DLG2: variants seen among roughly 807,000 people sequenced by gnomAD.
DLG2 encodes the protein discs large MAGUK scaffold protein 2.
A neutral mutation model predicts 132.5 loss-of-function variants in DLG2; 45 were observed. That is an observed-to-expected ratio of 0.34 (90% CI 0.27 to 0.44). DLG2 has a LOEUF of 0.44. Ranked by LOEUF, DLG2 falls within the 20% of genes least tolerant of loss-of-function variation. The pLI is 1.00. For missense variants in DLG2, 1,045 were observed against 1,196.9 expected (o/e 0.87, Z 1.87); for synonymous variants, 424 against 419.6 (o/e 1.01, Z -0.13).
At chr11:84,240,816 T>C (rs2097216637) in intron 8 of DLG2, among the ~76,000 whole-genome samples, 1 of 152,190 alleles carries the variant, frequency 6.6e-6, no homozygotes, top group Non-Finnish European at 1.5e-5. Flanking sequence ...GCACCTACAA[T>C]ATAGCAGATA....
intron 6 of DLG2, among the ~76,000 whole-genome samples, chr11:84,855,524 G>A (rs982857699): frequency 1.3e-5 from 2 of 151,956 alleles, no homozygotes; most frequent in African/African-American, 2.4e-5. Context: ...CATATTTCTA[G>A]AAGCAAACAA....
intron 11 of DLG2, among the ~76,000 whole-genome samples, chr11:84,047,127 T>A (rs2154114971): frequency 6.6e-6 from 1 of 151,716 alleles, no homozygotes; most frequent in East Asian, 1.9e-4. Flanking sequence ...ACTGCATTAT[T>A]TCAGTTTAGG....
At chr11:83,622,084 T>TTTGTG (rs926215166) in intron 19 of DLG2, among the ~76,000 whole-genome samples, 1 of 152,002 alleles carries the variant, frequency 6.6e-6, no homozygotes. Context: ...CAGGCTAATT[T>TTTGTG]TTGTGTTGTT....
At chr11:85,434,564 G>A (rs1393072582) in intron 3 of DLG2, among the ~76,000 whole-genome samples, 2 of 152,086 alleles carry the variant, frequency 1.3e-5, no homozygotes, top group African/African-American at 4.8e-5. Flanking sequence ...AAATAAACTA[G>A]GAAGTCTACA....
intron 7 of DLG2, among the ~76,000 whole-genome samples, chr11:84,361,103 A>G (rs1238113968): frequency 6.6e-6 from 1 of 151,920 alleles, no homozygotes; most frequent in Non-Finnish European, 1.5e-5. Flanking sequence ...GAACAAAATG[A>G]ACAGAGTGCC....
chr11:85,340,515 G>C (rs533925127), intron 3 of DLG2, among the ~76,000 whole-genome samples: 11 of 152,318 alleles, frequency 7.2e-5, no homozygotes, highest in African/African-American at 2.4e-4. Flanking sequence ...GGGAGGGATA[G>C]CATTGGGAGA....
At chr11:85,576,052 G>T (rs1434537744) in intron 3 of DLG2, among the ~76,000 whole-genome samples, 1 of 152,150 alleles carries the variant, frequency 6.6e-6, no homozygotes, top group Non-Finnish European at 1.5e-5. Flanking sequence ...CTGAGATTCA[G>T]TCAAGAATTC....
At chr11:84,672,892 T>G (rs551189884) in intron 6 of DLG2, among the ~76,000 whole-genome samples, 1 of 152,214 alleles carries the variant, frequency 6.6e-6, no homozygotes, top group African/African-American at 2.4e-5. Context: ...AGCATCAGCA[T>G]CTGGGAAGGC....
At chr11:83,824,989 G>C (rs1482356656) in intron 17 of DLG2, among the ~76,000 whole-genome samples, 1 of 151,248 alleles carries the variant, frequency 6.6e-6, no homozygotes, top group African/African-American at 2.4e-5. Context: ...TGTTAATTTT[G>C]TTTCCCTACA....
intron 9 of DLG2, among the ~76,000 whole-genome samples, chr11:84,108,127 A>G (rs1425776643): frequency 6.6e-6 from 1 of 152,178 alleles, no homozygotes; most frequent in African/African-American, 2.4e-5. Context: ...GAAGAACAGA[A>G]GAGGGTGAAA....
intron 7 of DLG2, among the ~76,000 whole-genome samples, chr11:84,432,753 A>G (rs1273164409): frequency 1.3e-5 from 2 of 152,146 alleles, no homozygotes; most frequent in African/African-American, 4.8e-5. Flanking sequence ...TGGGCCAGGC[A>G]TGGGGGCTCA....
chr11:84,350,173 G>T (rs1413158798), intron 7 of DLG2, among the ~76,000 whole-genome samples: 1 of 122,588 alleles, frequency 8.2e-6, no homozygotes, highest in Admixed American at 8.9e-5. Flanking sequence ...GAGAGACTTC[G>T]TCCCCCCCCC....
At chr11:84,120,093 C>G (rs1271741173) in intron 9 of DLG2, among the ~76,000 whole-genome samples, 1 of 152,198 alleles carries the variant, frequency 6.6e-6, no homozygotes, top group Non-Finnish European at 1.5e-5. Context: ...ATTGGCCAGT[C>G]TTTCAGTGAG....
chr11:83,712,642 C>G (rs2085720114), intron 18 of DLG2, among the ~76,000 whole-genome samples: 1 of 152,056 alleles, frequency 6.6e-6, no homozygotes. Flanking sequence ...AAAAAAGGAT[C>G]AAGATTCTGT....
At chr11:84,964,460 C>A (rs1221099892) in intron 6 of DLG2, among the ~76,000 whole-genome samples, 1 of 151,996 alleles carries the variant, frequency 6.6e-6, no homozygotes, top group East Asian at 1.9e-4. Context: ...TATAATGTAG[C>A]CACTAAGTCC....
intron 11 of DLG2, among the ~76,000 whole-genome samples, chr11:84,012,069 T>C (rs186755079): frequency 4.6e-5 from 7 of 152,254 alleles, no homozygotes; most frequent in Non-Finnish European, 8.8e-5. Context: ...CTTACATATA[T>C]AGAAAATAAC....
intron 6 of DLG2, among the ~76,000 whole-genome samples, chr11:84,584,668 G>A (rs1443588554): frequency 7.8e-6 from 1 of 127,628 alleles, no homozygotes; most frequent in Non-Finnish European, 1.6e-5. Context: ...ACCTGGCCCA[G>A]CATTCCTTTT....
At chr11:83,475,723 TTTC>T (rs1488456106) in intron 22 of DLG2, among the ~76,000 whole-genome samples, 1 of 152,060 alleles carries the variant, frequency 6.6e-6, no homozygotes, top group African/African-American at 2.4e-5. Flanking sequence ...CTTTTTTTCT[TTTC>T]TTTTCTTTTC....
At chr11:83,550,133 G>A (rs1266158474) in intron 19 of DLG2, among the ~76,000 whole-genome samples, 1 of 152,076 alleles carries the variant, frequency 6.6e-6, no homozygotes, top group East Asian at 1.9e-4. Flanking sequence ...ATGTTTTGAG[G>A]GTGTTGGCAA....
Sources: allele counts gnomAD v4.1 joint callset (sites outside exome capture counted in the v4.1 genomes callset), GRCh38; gene constraint gnomAD v4.1.1; transcripts MANE v1.5; gene names NCBI Gene and HGNC (gene_info 2026-07-23, HGNC 2026-07-21).